The following CHN2 variants were observed in gnomAD, a reference collection of about 807,000 sequenced individuals.
CHN2 encodes beta-chimaerin.
Under a neutral mutation model 56.3 loss-of-function variants are expected in CHN2, and 35 were observed. The ratio of observed to expected loss-of-function variants is 0.62; its 90% CI spans 0.47 to 0.82. The LOEUF is 0.82. CHN2 is among the 40% of genes least tolerant of loss of function. The pLI is 0.00. For synonymous variants in CHN2, 210 were observed against 212.8 expected, an observed-to-expected ratio of 0.99 and a Z score of 0.12; for missense variants, 491 against 580.5, an observed-to-expected ratio of 0.85 and a Z score of 1.58.
At position 29,354,612 on chromosome 7, in the gene CHN2, T is replaced by C; in HGVS notation, c.50-13T>C. ...AGGCTGATGATGGATTTCTTTTTTT[T>C]TTTTCATTCTAGATGCTGAAGAATA... is the stretch of plus-strand genomic sequence containing the variant. On this transcript the variant is annotated splice_polypyrimidine_tract_variant and intron_variant, in intron 1 of 12. Coordinates refer to ENST00000222792, the MANE Select transcript of CHN2 (RefSeq NM_004067.4). 2 of 1,606,058 alleles carry C rather than the reference T, an allele frequency of 1.2e-6. No individual in the cohort carries two copies. The highest frequency in any genetic ancestry group is 2.2e-5 in the South Asian group (2 of 90,666).
intron 3 of CHN2, among the ~76,000 whole-genome samples, chr7:29,375,644 T>G (rs1212241569): frequency 3.9e-5 from 6 of 152,234 alleles, no homozygotes; most frequent in African/African-American, 1.4e-4. Context: ...TCCTCTAGCC[T>G]ATGACAGCTG....
intron 6 of CHN2, among the ~76,000 whole-genome samples, chr7:29,408,865 C>T (rs986898795): frequency 8.5e-5 from 13 of 152,184 alleles, no homozygotes; most frequent in African/African-American, 3.1e-4. Context: ...CCAAACCCTC[C>T]TTGTCCCCAT....
At chr7:29,313,020 T>G (rs1022886429) in intron 1 of CHN2, among the ~76,000 whole-genome samples, 5 of 152,194 alleles carry the variant, frequency 3.3e-5, no homozygotes, top group Admixed American at 3.3e-4. Flanking sequence ...GAATCTTGGG[T>G]AATCATACAA....
At chr7:29,506,886 C>T (rs576909872) in intron 10 of CHN2, among the ~76,000 whole-genome samples, 6 of 152,302 alleles carry the variant, frequency 3.9e-5, no homozygotes, top group Admixed American at 3.3e-4. Context: ...TTGATGTTCT[C>T]TTGTTTCAGA....
At chr7:29,432,756 G>C (rs140068899) in intron 6 of CHN2, among the ~76,000 whole-genome samples, 2 of 152,110 alleles carry the variant, frequency 1.3e-5, no homozygotes, top group Non-Finnish European at 2.9e-5. Flanking sequence ...TATGCGTCAC[G>C]GGTAATCCTG....
intron 2 of CHN2, among the ~76,000 whole-genome samples, chr7:29,156,789 A>G (rs879408709): frequency 1.3e-5 from 2 of 148,578 alleles, no homozygotes; most frequent in Non-Finnish European, 3.0e-5. Context: ...AGCTAAAGAA[A>G]AAGTCCAAGA....
intron 2 of CHN2, among the ~76,000 whole-genome samples, chr7:29,152,634 G>C (rs1209749528): frequency 6.6e-6 from 1 of 151,796 alleles, no homozygotes; most frequent in Admixed American, 6.6e-5. Context: ...AGATCTATCA[G>C]CAAAAAGAAA....
chr7:29,173,466 A>G (rs1357243966), intron 2 of CHN2, among the ~76,000 whole-genome samples: 1 of 152,100 alleles, frequency 6.6e-6, no homozygotes, highest in Non-Finnish European at 1.5e-5. Context: ...CATCCTAACA[A>G]CAAGAAAATG....
At chr7:29,219,201 A>G (rs901919698) in intron 1 of CHN2, among the ~76,000 whole-genome samples, 2 of 152,190 alleles carry the variant, frequency 1.3e-5, no homozygotes, top group Admixed American at 1.3e-4. Flanking sequence ...AATGAAAGAA[A>G]CACTCACCGT....
At chr7:29,377,436 T>A (rs1800157717) in intron 3 of CHN2, among the ~76,000 whole-genome samples, 1 of 152,254 alleles carries the variant, frequency 6.6e-6, no homozygotes, top group Non-Finnish European at 1.5e-5. Context: ...TGGCTATGCA[T>A]GAATCCTTGC....
chr7:29,188,843 A>G lies in CHN2; in HGVS notation c.274+41883A>G, dbSNP rs554976081. On this transcript the variant is annotated intron_variant, in intron 2 of 6. Coordinates refer to the CHN2 transcript ENST00000439384. Reference sequence around the variant, plus strand: ...TAATTCCCAAACAGAAATCATTTCTATAGCTATTTTAAAAATTTGTCCCAG... The same window carrying G: ...TAATTCCCAAACAGAAATCATTTCTGTAGCTATTTTAAAAATTTGTCCCAG... Among the ~76,000 whole-genome samples the G allele has an allele frequency of 8.5e-5, 13 of 152,196 alleles. No homozygotes were observed. The East Asian group carries it at 9.7e-4, about 11-fold the overall frequency.
At chr7:29,257,218 G>T (rs775707251) in intron 1 of CHN2, among the ~76,000 whole-genome samples, 3 of 152,168 alleles carry the variant, frequency 2.0e-5, no homozygotes, top group Non-Finnish European at 1.5e-5. Context: ...GAGGCCATTT[G>T]CCAGATGGCT....
At chr7:29,176,277 T>C (rs1377848663) in intron 2 of CHN2, among the ~76,000 whole-genome samples, 1 of 151,748 alleles carries the variant, frequency 6.6e-6, no homozygotes, top group Non-Finnish European at 1.5e-5. Flanking sequence ...AGAAGGCCAA[T>C]AGGTCCTGAG....
chr7:29,418,020 C>G (rs1322555988), intron 6 of CHN2, among the ~76,000 whole-genome samples: 4 of 152,168 alleles, frequency 2.6e-5, no homozygotes, highest in Non-Finnish European at 5.9e-5. Context: ...TGGCAGGTAA[C>G]TCAGGTGCCA....
chr7:29,162,808 G>C (rs1795373012), intron 2 of CHN2, among the ~76,000 whole-genome samples: 1 of 152,234 alleles, frequency 6.6e-6, no homozygotes, highest in Non-Finnish European at 1.5e-5. Context: ...CCAAAGGTTA[G>C]GGAAGAGGAG....
chr7:29,347,091 TCTAA>T (rs1454815355), intron 1 of CHN2, among the ~76,000 whole-genome samples: 5 of 152,184 alleles, frequency 3.3e-5, no homozygotes, highest in Admixed American at 6.5e-5. Flanking sequence ...CTGTGAGTTT[TCTAA>T]CTGAGTCTTA....
At chr7:29,420,225 A>G (rs1326090181) in intron 6 of CHN2, among the ~76,000 whole-genome samples, 1 of 152,196 alleles carries the variant, frequency 6.6e-6, no homozygotes, top group Non-Finnish European at 1.5e-5. Flanking sequence ...TTCTTCAAAG[A>G]AACAAAAATA....
intron 1 of CHN2, among the ~76,000 whole-genome samples, chr7:29,252,585 T>TTTTTTTGTTTTTTTTTG (rs1554378177): frequency 8.7e-5 from 2 of 23,068 alleles, no homozygotes; most frequent in Non-Finnish European, 1.4e-4. Context: ...TTTGTTTTTT[T>TTTTTTTGTTTTTTTTTG]TTTTTTTTTT....
At chr7:29,157,571 A>G (rs1794577880) in intron 2 of CHN2, among the ~76,000 whole-genome samples, 1 of 152,212 alleles carries the variant, frequency 6.6e-6, no homozygotes, top group African/African-American at 2.4e-5. Context: ...AAGTATGAAA[A>G]TATCACCCTA....
Sources: gnomAD v4.1 joint callset for allele counts (sites outside exome capture counted in the v4.1 genomes callset) on GRCh38, gnomAD v4.1.1 for gene constraint, MANE v1.5 for transcripts, NCBI Gene and HGNC (gene_info 2026-07-23, HGNC 2026-07-21) for gene names.